SPG7: variants seen among roughly 807,000 people sequenced by gnomAD.
SPG7 encodes SPG7 matrix AAA peptidase subunit, paraplegin, also known as mitochondrial inner membrane m-AAA protease component paraplegin.
In SPG7, 103 loss-of-function variants were observed where a neutral mutation model predicts 81.9. The observed-to-expected ratio is 1.26, with a 90% CI of 1.07 to 1.48. The LOEUF (loss-of-function observed/expected upper bound fraction) is 1.48. Ranked by LOEUF, SPG7 falls within the 40% of genes most tolerant of loss-of-function variation. The probability of loss-of-function intolerance (pLI) is 0.00; values close to 1 mark genes in which losing one functional copy is unlikely to be tolerated. For missense variants in SPG7, 1,241 were observed against 1,087.3 expected, an observed-to-expected ratio of 1.14 and a Z score of -1.99; for synonymous variants, 534 against 444.2, an observed-to-expected ratio of 1.20 and a Z score of -2.54.
Position 89,531,908 on chromosome 16 carries a change from C to G in SPG7, c.992C>G (p.Pro331Arg). The G allele has an allele frequency of 3.1e-6, 5 of 1,614,120 alleles. No individual in the cohort carries two copies. Among genetic ancestry groups the G allele is most frequent in the Non-Finnish European group, 4.2e-6 (5 of 1,179,972 alleles). Reference sequence around the variant, plus strand: ...GCATTGTCTGCTGCCGTCCAGAGCCCAGAACGCTTCCTCCAGCTTGGCGCC... The same window carrying G: ...GCATTGTCTGCTGCCGTCCAGAGCCGAGAACGCTTCCTCCAGCTTGGCGCC... ...VREFVDYLKS[P>R]ERFLQLGAKV... Residue 331 changes from proline to arginine, a missense_variant, in exon 8 of 17, where the codon CCA (proline) becomes CGA (arginine). Coordinates refer to ENST00000645818, the MANE Select transcript of SPG7 (RefSeq NM_003119.4).
Position 89,524,367 on chromosome 16 carries a change from G to T in SPG7, c.618+120G>T, listed in dbSNP as rs1007026315. The stretch of plus-strand genomic sequence containing the variant: ...GGGCGCTGGCTGTTGCCATCCTTTT[G>T]GATACCTGTGATTGAGGGCATGCTT... On this transcript the variant is annotated intron_variant, in intron 4 of 16. Transcript: ENST00000645818. 6 of 1,136,638 alleles carry T rather than the reference G, an allele frequency of 5.3e-6. No individual in the cohort carries two copies. In the Admixed American group the frequency reaches 1.3e-4, roughly 25 times the overall value. 70.4% of individuals were successfully genotyped at this position (1,136,638 alleles called of 1,614,324 possible).
chr16:89,550,738 G>T (rs1162617068), intron 13 of SPG7, 129 bp downstream of exon 13: 1 of 704,830 alleles, frequency 1.4e-6, no homozygotes, highest in Non-Finnish European at 2.6e-6. Context: ...GCCTGTGTCT[G>T]TAGGTCATGT....
At chr16:89,550,753 G>A (rs2058626658) in intron 13 of SPG7, 144 bp downstream of exon 13, 2 of 692,394 alleles carry the variant, frequency 2.9e-6, no homozygotes, top group Non-Finnish European at 5.2e-6. Context: ...TCATGTGAGA[G>A]GAAAGCCTGC....
chr16:89,530,990 C>T, intron 7 of SPG7, 182 bp downstream of exon 7: 1 of 781,874 alleles, frequency 1.3e-6, no homozygotes, highest in Non-Finnish European at 2.2e-6. Context: ...CAGCACAAGC[C>T]TCGTGCACAT....
At chr16:89,519,210 C>T (rs2058150000) in intron 3 of SPG7, 1 of 151,946 alleles carries the variant, frequency 6.6e-6, no homozygotes, top group African/African-American at 2.4e-5. Context: ...GTCTCGAACT[C>T]CTGACCTCAT....
chr16:89,555,595 T>C (rs1567935785), intron 16 of SPG7: 1 of 316,194 alleles, frequency 3.2e-6, no homozygotes, highest in Non-Finnish European at 5.7e-6. Context: ...ATCGCCCATC[T>C]TCTTAGGCTC....
chr16:89,510,526 G>T lies in SPG7; in HGVS notation c.220G>T (p.Gly74Trp). The change falls in exon 2 of 17, where the codon GGG (glycine) becomes TGG (tryptophan). Residue 74 changes from glycine to tryptophan, a missense_variant. By Grantham distance (184) the Gly-to-Trp change is radical. Coordinates refer to ENST00000645818, the MANE Select transcript of SPG7 (RefSeq NM_003119.4). ...QLRLLTPTFE[G>W]INGLLLKQHL... is the part of the protein sequence containing the mutation. ...GAGACTGCTAACCCCTACCTTTGAA[G>T]GGATCAACGGATTGTTGTTGAAACA... The T allele has an allele frequency of 6.2e-7, 1 of 1,607,286 alleles. No homozygotes were observed.
In SPG7 at chr16:89,553,805, G is replaced by A. The variant is rs769602042; in HGVS notation, c.1948G>A (p.Asp650Asn). Reference protein sequence around the residue: ...FNEVTSGAQDDLRKVTRIAYS... With the variant: ...FNEVTSGAQDNLRKVTRIAYS... ...ACCCCGCCCTCCAGGGGCACAGGACGACCTGAGGAAGGTCACCCGCATCGC... is the reference window on the plus strand; with the variant it reads ...ACCCCGCCCTCCAGGGGCACAGGACAACCTGAGGAAGGTCACCCGCATCGC... The change falls in exon 15 of 17, where the codon GAC becomes AAC. Residue 650 changes from aspartate to asparagine, a missense_variant. By Grantham distance (23) the Asp-to-Asn change is conservative. Transcript: ENST00000645818. The A allele has an allele frequency of 1.9e-5, 31 of 1,613,334 alleles. No homozygotes were observed. Among genetic ancestry groups the A allele is most frequent in the Admixed American group, 1.3e-4 (8 of 60,002 alleles).
intron 12 of SPG7, chr16:89,548,905 C>T (rs527392093): frequency 2.1e-4 from 97 of 452,250 alleles, no homozygotes; most frequent in African/African-American, 1.3e-3. Context: ...GCCTCCTTTG[C>T]GAGCTATCCC....
In SPG7 at chr16:89,557,680, G is replaced by C. The variant is rs8058041; in HGVS notation, c.*587G>C. On this transcript the variant is annotated 3_prime_UTR_variant, in exon 17 of 17. Coordinates refer to ENST00000645818, the MANE Select transcript of SPG7 (RefSeq NM_003119.4). ...GAGGACTTCTTGCTGGTCTAGTCAC[G>C]CATGCAGTGTTGGGGATGCCTTGGT... 1 of 161,412 alleles carries C rather than the reference G, an allele frequency of 6.2e-6. No homozygotes were observed. The highest frequency in any genetic ancestry group is 1.4e-5 in the Non-Finnish European group (1 of 72,746). The allele number at this position is 161,412 out of a possible 1,614,324, so 10.0% of individuals were successfully genotyped here.
chr16:89,550,694 T>A (rs1310678350), intron 13 of SPG7, 85 bp downstream of exon 13: 1 of 884,410 alleles, frequency 1.1e-6, no homozygotes, highest in African/African-American at 1.6e-5. Flanking sequence ...GACTGGGGAG[T>A]CCCGCCTGTG....
rs2058311167 is a variant in SPG7, at chr16:89,529,443, C to A, written c.759-34C>A. 2.8e-6 allele frequency: 4 copies of A among 1,448,422 alleles called. No homozygotes were observed. The East Asian group carries it at 9.2e-5, about 33-fold the overall frequency. The allele number at this position is 1,448,422 out of a possible 1,614,324, so 89.7% of individuals were successfully genotyped here. On this transcript the variant is annotated intron_variant, in intron 5 of 16. Transcript: ENST00000645818. ...GCCTGCGTCTGTCACGTGACACCGT[C>A]TGAGCCTGTGCCTGCCTCTCTTTCT...
intron 11 of SPG7, 104 bp from the exon 12 acceptor site, chr16:89,547,899 C>A: frequency 1.2e-6 from 1 of 865,374 alleles, no homozygotes; most frequent in Non-Finnish European, 2.0e-6. Context: ...AGGGGTGAGC[C>A]ACCATGCCCG....
At chr16:89,525,363 A>G (rs1262084459) in intron 4 of SPG7, among the ~76,000 whole-genome samples, 3 of 152,230 alleles carry the variant, frequency 2.0e-5, no homozygotes, top group Admixed American at 6.5e-5. Flanking sequence ...CCTCTGGTGG[A>G]TGCCTGATTA....
chr16:89,532,988 T>TGAACTCGG, intron 9 of SPG7: 1 of 317,604 alleles, frequency 3.1e-6, no homozygotes, highest in Non-Finnish European at 6.1e-6. Flanking sequence ...GAGAATCGCT[T>TGAACTCGG]GAACTCGGGA....
intron 1 of SPG7, chr16:89,508,933 T>A (rs1451055495): frequency 9.5e-6 from 5 of 527,018 alleles, no homozygotes; most frequent in Admixed American, 2.2e-5. Flanking sequence ...AGCACTAATT[T>A]ACAGTCCACG....
At chr16:89,532,752 AGAGT>A (rs1383028319) in intron 9 of SPG7, 116 bp downstream of exon 9, 15 of 1,275,534 alleles carry the variant, frequency 1.2e-5, no homozygotes, top group Non-Finnish European at 1.7e-5. Context: ...CCTGGGTGAC[AGAGT>A]GAGACTCTGT....
chr16:89,532,470 C>A lies in SPG7; in HGVS notation c.1158C>A (p.Gly386=). 1.2e-6 allele frequency: 2 copies of A among 1,613,456 alleles called. No individual in the cohort carries two copies. The highest frequency in any genetic ancestry group is 1.7e-6 in the Non-Finnish European group (2 of 1,180,030). ...CTCTCTGTGTCCCCTCAGGCCTCGG[C>A]GCTGCCCGTGTGCGGAGCCTCTTTA... ...PEFVEVIGGL[G]AARVRSLFKE... is the part of the protein sequence containing the mutation. The change falls in exon 9 of 17, where the codon GGC becomes GGA. Residue 386 remains glycine (G), a synonymous_variant. Coordinates refer to ENST00000645818, the MANE Select transcript of SPG7 (RefSeq NM_003119.4).
At chr16:89,523,669 C>A in intron 3 of SPG7, 1 of 464,900 alleles carries the variant, frequency 2.2e-6, no homozygotes, top group East Asian at 6.6e-5. Context: ...GCAGCTTCAA[C>A]CTCCCGCCTC....
Sources: gnomAD v4.1 joint callset for allele counts (sites outside exome capture counted in the v4.1 genomes callset) on GRCh38, gnomAD v4.1.1 for gene constraint, MANE v1.5 for transcripts, NCBI Gene and HGNC (gene_info 2026-07-23, HGNC 2026-07-21) for gene names.